The following FLRT1 variants were observed in gnomAD, a reference collection of about 807,000 sequenced individuals.
FLRT1 encodes leucine-rich repeat transmembrane protein FLRT1.
In FLRT1, 14 loss-of-function variants were observed where a neutral mutation model predicts 30.9. The ratio of observed to expected loss-of-function variants is 0.45; its 90% confidence interval spans 0.30 to 0.71. FLRT1 has a LOEUF of 0.71. Ranked by LOEUF, FLRT1 falls within the 30% of genes least tolerant of loss-of-function variation. FLRT1 has a pLI of 0.08. For synonymous variants in FLRT1, 368 were observed against 430.4 expected, an observed-to-expected ratio of 0.85 and a Z score of 1.80; for missense variants, 737 against 949.2, an observed-to-expected ratio of 0.78 and a Z score of 2.94.
rs12283553 is a variant in FLRT1, at chr11:64,054,914, G to A, written c.-1038+18755G>A. On this transcript the variant is annotated intron_variant, in intron 1 of 2. Transcript: ENST00000682287. ...CACTACTCTTTCTGTCTTGGTGACC[G>A]CCCTCTTTCTCCCCTGCTCTTCACC... is the stretch of plus-strand genomic sequence containing the variant. Among the ~76,000 whole-genome samples the A allele has an allele frequency of 9.8e-3, 1,490 of 152,022 alleles. 27 individuals carry two copies. Among genetic ancestry groups the A allele is most frequent in the African/African-American group, 0.034 (1,403 of 41,448 alleles).
chr11:64,049,565 G>A (rs1007676482), intron 1 of FLRT1, among the ~76,000 whole-genome samples: 6 of 152,228 alleles, frequency 3.9e-5, no homozygotes, highest in Non-Finnish European at 8.8e-5. Context: ...GAGCTCAGCT[G>A]GTTCTATTGG....
At chr11:64,076,825 C>A (rs1365062854) in intron 1 of FLRT1, among the ~76,000 whole-genome samples, 1 of 152,192 alleles carries the variant, frequency 6.6e-6, no homozygotes, top group Non-Finnish European at 1.5e-5. Flanking sequence ...CGTGAGCAGC[C>A]CCCCGGTCCT....
chr11:64,064,361 A>G lies in FLRT1; in HGVS notation c.-1038+28202A>G, dbSNP rs1219773182. Among the ~76,000 whole-genome samples the G allele has an allele frequency of 6.6e-6, 1 of 152,088 alleles. No individual in the cohort carries two copies. Among genetic ancestry groups the G allele is most frequent in the Non-Finnish European group, 1.5e-5 (1 of 67,988 alleles). ...GGGCCTGCCTGTCCAGGTAGATCCT[A>G]TGGGGCCACAGGCATTGGATGGAGG... On this transcript the variant is annotated intron_variant, in intron 1 of 2. Coordinates refer to ENST00000682287, the MANE Select transcript of FLRT1 (RefSeq NM_013280.5). The surrounding 1 kb of genome is among the most constrained non-coding windows in gnomAD (Gnocchi z 4.5).
rs1391510313 is a variant in FLRT1 at position 64,036,704 on chromosome 11, C to T, written c.-1038+545C>T. Among the ~76,000 whole-genome samples, 2 of 152,188 alleles carry T rather than the reference C, an allele frequency of 1.3e-5. No homozygotes were observed. The highest frequency in any genetic ancestry group is 2.9e-5 in the Non-Finnish European group (2 of 68,028). The stretch of plus-strand genomic sequence containing the variant: ...GGCATGAGCAGCCTCCAACTTCCCT[C>T]CCTGTGCGCGCTGTGGACCGTCAGC... On this transcript the variant is annotated intron_variant, in intron 1 of 2. Coordinates refer to ENST00000682287, the MANE Select transcript of FLRT1 (RefSeq NM_013280.5). The surrounding 1 kb of genome is among the most constrained non-coding windows in gnomAD (Gnocchi z 5.6).
intron 1 of FLRT1, among the ~76,000 whole-genome samples, chr11:64,097,294 C>T (rs940801676): frequency 6.6e-6 from 1 of 152,256 alleles, no homozygotes; most frequent in Admixed American, 6.5e-5. Context: ...ATTTGGGCTT[C>T]TCTGCCAACT....
rs548000631 is a variant in FLRT1, at chr11:64,062,864, C to G, written c.-1038+26705C>G. Among the ~76,000 whole-genome samples, 14 of 152,314 alleles carry G rather than the reference C, an allele frequency of 9.2e-5. No individual in the cohort carries two copies. The South Asian group carries it at 2.7e-3, about 29-fold the overall frequency. On this transcript the variant is annotated intron_variant, in intron 1 of 2. Coordinates refer to ENST00000682287, the MANE Select transcript of FLRT1 (RefSeq NM_013280.5). ...CAGCAGGGGCACCTCCACCCCGGCC[C>G]CGCCTCCTAGGCCAGTCCTTCCCAG...
intron 1 of FLRT1, among the ~76,000 whole-genome samples, chr11:64,068,126 G>T (rs1262317869): frequency 6.6e-6 from 1 of 152,230 alleles, no homozygotes; most frequent in Non-Finnish European, 1.5e-5. Context: ...GAATCAAAAT[G>T]TAAATTAATG....
intron 1 of FLRT1, among the ~76,000 whole-genome samples, chr11:64,079,199 G>A (rs186167198): frequency 4.4e-4 from 67 of 152,244 alleles, no homozygotes; most frequent in African/African-American, 1.6e-3. Context: ...GATGAGGGAA[G>A]AGGGTGTGTA....
intron 1 of FLRT1, among the ~76,000 whole-genome samples, chr11:64,100,471 G>C (rs1184928006): frequency 6.6e-6 from 1 of 152,196 alleles, no homozygotes; most frequent in Non-Finnish European, 1.5e-5. Flanking sequence ...CTGTGGGAAC[G>C]GGGGAGGCCA....
chr11:64,097,099 T>C (rs2845594), intron 1 of FLRT1, among the ~76,000 whole-genome samples: 131,649 of 152,294 alleles, frequency 0.86, 57,717 homozygotes, highest in Non-Finnish European at 0.94. Flanking sequence ...CACTGGCAGC[T>C]GTTTCTAGGT....
At chr11:64,039,014 G>T (rs1428482275) in intron 1 of FLRT1, among the ~76,000 whole-genome samples, 1 of 152,168 alleles carries the variant, frequency 6.6e-6, no homozygotes, top group Non-Finnish European at 1.5e-5. Context: ...TACACCCCTC[G>T]TTCACTGTGG....
chr11:64,078,085 C>T (rs1944236493), intron 1 of FLRT1, among the ~76,000 whole-genome samples: 1 of 152,222 alleles, frequency 6.6e-6, no homozygotes, highest in Non-Finnish European at 1.5e-5. Context: ...CTTTCACAGT[C>T]ACACTGCCCT....
intron 1 of FLRT1, among the ~76,000 whole-genome samples, chr11:64,095,985 A>AG (rs11404876): frequency 0.19 from 1,171 of 6,054 alleles, 5 homozygotes; most frequent in Admixed American, 0.44. Context: ...CCCACCCCCC[A>AG]GGGGCCCATG....
At chr11:64,077,922 TG>T (rs1014366488) in intron 1 of FLRT1, among the ~76,000 whole-genome samples, 4 of 152,206 alleles carry the variant, frequency 2.6e-5, no homozygotes, top group African/African-American at 9.6e-5. Flanking sequence ...CTGGGGACTG[TG>T]GCCTGCAGCC....
chr11:64,113,937 C>CGGATGGAT (rs562555774), intron 2 of FLRT1, among the ~76,000 whole-genome samples: 2 of 66,520 alleles, frequency 3.0e-5, no homozygotes, highest in Non-Finnish European at 6.0e-5. Flanking sequence ...GATTGATGCA[C>CGGATGGAT]GGATGGATGG....
In FLRT1 at chr11:64,096,969, G is replaced by A. The variant is rs1273722358; in HGVS notation, c.-1037-6225G>A. Reference sequence around the variant, plus strand: ...CCACTCTCTCAGCGTCTGGGCCCGGGAGTTCCTGCCTACCCTTGCTGGGAG... The same window carrying A: ...CCACTCTCTCAGCGTCTGGGCCCGGAAGTTCCTGCCTACCCTTGCTGGGAG... On this transcript the variant is annotated intron_variant, in intron 1 of 2. Coordinates refer to ENST00000682287, the MANE Select transcript of FLRT1 (RefSeq NM_013280.5). The surrounding 1 kb of genome is among the most constrained non-coding windows in gnomAD (Gnocchi z 4.6). Among the ~76,000 whole-genome samples the A allele has an allele frequency of 2.6e-5, 4 of 152,218 alleles. No homozygotes were observed. Among genetic ancestry groups the A allele is most frequent in the Admixed American group, 2.6e-4 (4 of 15,282 alleles).
intron 1 of FLRT1, among the ~76,000 whole-genome samples, chr11:64,100,440 C>T (rs149641204): frequency 6.6e-6 from 1 of 152,262 alleles, no homozygotes; most frequent in African/African-American, 2.4e-5. Flanking sequence ...TGGTTTTGAG[C>T]ACAGAGACCA....
intron 1 of FLRT1, among the ~76,000 whole-genome samples, chr11:64,065,548 G>T (rs1213650927): frequency 6.6e-6 from 1 of 152,154 alleles, no homozygotes; most frequent in African/African-American, 2.4e-5. Flanking sequence ...CCAGCACTTT[G>T]GGAGGCCAAG....
chr11:64,069,813 G>A (rs919163591), intron 1 of FLRT1, among the ~76,000 whole-genome samples: 1 of 152,228 alleles, frequency 6.6e-6, no homozygotes, highest in Non-Finnish European at 1.5e-5. Context: ...AGACGCAACA[G>A]GCTTCTTATC....
Sources: allele counts gnomAD v4.1 joint callset (sites outside exome capture counted in the v4.1 genomes callset), GRCh38; gene constraint gnomAD v4.1.1; non-coding constraint Gnocchi (gnomAD v3.1); transcripts MANE v1.5; gene names NCBI Gene and HGNC (gene_info 2026-07-23, HGNC 2026-07-21).